ADAMTSL1: variants seen among roughly 807,000 people sequenced by gnomAD.
ADAMTSL1 encodes the protein ADAMTS-like protein 1.
A neutral mutation model predicts 201.8 loss-of-function variants in ADAMTSL1; 126 were observed. The ratio of observed to expected loss-of-function variants is 0.62; its 90% CI spans 0.54 to 0.72. The LOEUF (loss-of-function observed/expected upper bound fraction) is 0.72, where lower values mean the gene tolerates loss of function less well. Ranked by LOEUF, ADAMTSL1 falls within the 30% of genes least tolerant of loss-of-function variation. The pLI is 0.00. For missense variants in ADAMTSL1, 2,679 were observed against 2,277.8 expected, an observed-to-expected ratio of 1.18 and a Z score of -3.59; for synonymous variants, 1,121 against 903.4, an observed-to-expected ratio of 1.24 and a Z score of -4.32.
intron 3 of ADAMTSL1, among the ~76,000 whole-genome samples, chr9:18,535,140 C>A (rs1420499372): frequency 6.6e-6 from 1 of 152,170 alleles, no homozygotes; most frequent in South Asian, 2.1e-4. Flanking sequence ...GCTCTGCTTC[C>A]TCTTGAATGC....
At chr9:18,406,029 T>G (rs756089748) in intron 2 of ADAMTSL1, among the ~76,000 whole-genome samples, 1 of 152,348 alleles carries the variant, frequency 6.6e-6, no homozygotes, top group African/African-American at 2.4e-5. Flanking sequence ...TTGAACAAAT[T>G]ATAGTTCAGA....
At chr9:17,967,279 T>C (rs570085872) in intron 1 of ADAMTSL1, among the ~76,000 whole-genome samples, 2 of 152,272 alleles carry the variant, frequency 1.3e-5, no homozygotes, top group East Asian at 3.9e-4. Flanking sequence ...ATTTATTTTC[T>C]GGCAACTTAT....
rs397893715 is a variant in ADAMTSL1 at position 18,099,355 on chromosome 9, ATTTTTT to A, written c.88-64495_88-64490del. Among the ~76,000 whole-genome samples, 221 of 45,470 alleles carry A rather than the reference ATTTTTT, an allele frequency of 4.9e-3. 4 individuals carry two copies. Among genetic ancestry groups the A allele is most frequent in the African/African-American group, 0.014 (170 of 12,298 alleles). 29.8% of individuals were successfully genotyped at this position (45,470 alleles called of 152,430 possible). A position where few individuals can be genotyped will look rare whatever the true frequency, so the allele number is the denominator to read the frequency against. ...TATATATATATATATATATATATAT[ATTTTTT>A]TTTTTTTTTTTAACATCCATTAATT... is the stretch of plus-strand genomic sequence containing the variant. On this transcript the variant is annotated intron_variant, in intron 1 of 29. Coordinates refer to the ADAMTSL1 transcript ENST00000680146.
At chr9:18,242,977 A>G (rs1310626381) in intron 2 of ADAMTSL1, among the ~76,000 whole-genome samples, 1 of 152,182 alleles carries the variant, frequency 6.6e-6, no homozygotes, top group Non-Finnish European at 1.5e-5. Flanking sequence ...GCATTTTTAC[A>G]AAAATAAGAC....
At chr9:18,745,080 G>A (rs1255280625) in intron 15 of ADAMTSL1, among the ~76,000 whole-genome samples, 3 of 152,116 alleles carry the variant, frequency 2.0e-5, no homozygotes, top group African/African-American at 7.2e-5. Flanking sequence ...TAATAAATAT[G>A]TAGCACTTAA....
intron 2 of ADAMTSL1, among the ~76,000 whole-genome samples, chr9:18,332,804 A>G (rs902246395): frequency 1.3e-4 from 20 of 152,162 alleles, no homozygotes; most frequent in African/African-American, 4.3e-4. Flanking sequence ...GAGTTCAGTA[A>G]GAGTGTGTCA....
chr9:18,673,238 GAAAA>G (rs964586358), intron 9 of ADAMTSL1, among the ~76,000 whole-genome samples: 1 of 144,160 alleles, frequency 6.9e-6, no homozygotes, highest in Non-Finnish European at 1.5e-5. Flanking sequence ...CTTTGCTTAA[GAAAA>G]AAAAAAAGTA....
At chr9:18,617,322 A>C (rs1026576471) in intron 4 of ADAMTSL1, among the ~76,000 whole-genome samples, 1 of 152,204 alleles carries the variant, frequency 6.6e-6, no homozygotes, top group Non-Finnish European at 1.5e-5. Flanking sequence ...TTTATTAAAC[A>C]TATTTCAGTG....
intron 2 of ADAMTSL1, among the ~76,000 whole-genome samples, chr9:18,173,811 G>C (rs1490266719): frequency 2.6e-5 from 4 of 152,044 alleles, no homozygotes; most frequent in African/African-American, 9.7e-5. Context: ...CTCTTTTGGG[G>C]GGCATTTTCA....
intron 4 of ADAMTSL1, among the ~76,000 whole-genome samples, chr9:18,619,885 A>C (rs1231015774): frequency 6.6e-6 from 1 of 152,142 alleles, no homozygotes; most frequent in African/African-American, 2.4e-5. Flanking sequence ...TGTCAGATTA[A>C]GTCCTCTTCA....
rs144701297 is a variant in ADAMTSL1 at position 18,735,790 on chromosome 9, G to A, written c.2006+14125G>A. On this transcript the variant is annotated intron_variant, in intron 15 of 28. Transcript: ENST00000380548. ...TTTTGAGACAAGGTCTTGCTCTGTC[G>A]TCCAGGCTGGAATGCAGTGGTGTAA... Among the ~76,000 whole-genome samples the A allele has an allele frequency of 2.1e-4, 25 of 116,582 alleles. No homozygotes were observed. The East Asian group carries it at 3.0e-3, about 14-fold the overall frequency. The allele number at this position is 116,582 out of a possible 152,430, so 76.5% of individuals were successfully genotyped here.
At chr9:18,033,602 T>C (rs1472839772) in intron 1 of ADAMTSL1, among the ~76,000 whole-genome samples, 1 of 152,214 alleles carries the variant, frequency 6.6e-6, no homozygotes, top group Non-Finnish European at 1.5e-5. Context: ...ATGACTTTGA[T>C]GGTAACCATC....
intron 15 of ADAMTSL1, among the ~76,000 whole-genome samples, chr9:18,725,756 A>G (rs1003267942): frequency 3.9e-5 from 6 of 152,206 alleles, no homozygotes; most frequent in African/African-American, 9.6e-5. Context: ...TCTTATACCC[A>G]GAGATAACCA....
intron 26 of ADAMTSL1, among the ~76,000 whole-genome samples, chr9:18,897,113 C>A (rs528820545): frequency 1.3e-5 from 2 of 152,320 alleles, no homozygotes; most frequent in East Asian, 3.9e-4. Flanking sequence ...ACCTGCTGTG[C>A]CAGATAGTGG....
At chr9:18,074,278 C>A (rs1344028570) in intron 1 of ADAMTSL1, among the ~76,000 whole-genome samples, 2 of 152,092 alleles carry the variant, frequency 1.3e-5, no homozygotes, top group African/African-American at 4.8e-5. Context: ...ACTATGAATG[C>A]AATGCAGGAA....
chr9:17,991,022 G>A (rs149858051), intron 1 of ADAMTSL1, among the ~76,000 whole-genome samples: 51 of 152,192 alleles, frequency 3.4e-4, no homozygotes, highest in African/African-American at 1.1e-3. Context: ...TTCCAAACAC[G>A]TAGCTTCATG....
chr9:18,472,809 G>GA (rs1821270031), upstream of ADAMTSL1, among the ~76,000 whole-genome samples: 1 of 152,228 alleles, frequency 6.6e-6, no homozygotes, highest in South Asian at 2.1e-4. Flanking sequence ...TCTGAAAAGG[G>GA]AAAACGTCCT....
At chr9:18,015,825 A>C (rs1041805178) in intron 1 of ADAMTSL1, among the ~76,000 whole-genome samples, 5 of 152,122 alleles carry the variant, frequency 3.3e-5, no homozygotes, top group Admixed American at 3.3e-4. Flanking sequence ...AGGATAAGAG[A>C]GGACCTGAAC....
At chr9:18,057,167 G>A (rs1201132026) in intron 1 of ADAMTSL1, among the ~76,000 whole-genome samples, 1 of 152,098 alleles carries the variant, frequency 6.6e-6, no homozygotes, top group Non-Finnish European at 1.5e-5. Context: ...TCTTTTCTGA[G>A]ACCTGCAGAG....
Sources: allele counts gnomAD v4.1 joint callset (sites outside exome capture counted in the v4.1 genomes callset), GRCh38; gene constraint gnomAD v4.1.1; transcripts MANE v1.5; gene names NCBI Gene and HGNC (gene_info 2026-07-23, HGNC 2026-07-21).